Variants in ASCC3 observed in about 807,000 individuals in gnomAD.
ASCC3 encodes the protein ASC-1 complex subunit P200.
In ASCC3, 158 loss-of-function variants were observed where a neutral mutation model predicts 256.3. That is an observed-to-expected ratio of 0.62 (90% CI 0.54 to 0.70). ASCC3 has a LOEUF of 0.70. Ranked by LOEUF, ASCC3 falls within the 30% of genes least tolerant of loss-of-function variation. ASCC3 has a pLI of 0.00. For synonymous variants in ASCC3, 948 were observed against 883.4 expected, an observed-to-expected ratio of 1.07 and a Z score of -1.30; for missense variants, 2,259 against 2,626.0, an observed-to-expected ratio of 0.86 and a Z score of 3.05.
chr6:100,713,989 G>A (rs1778980175), intron 13 of ASCC3, among the ~76,000 whole-genome samples: 1 of 152,210 alleles, frequency 6.6e-6, no homozygotes, highest in Admixed American at 6.5e-5. Context: ...TCTCTAGACA[G>A]CATTTTGGGA....
At position 100,586,063 on chromosome 6, in the gene ASCC3, G is replaced by A. The variant is rs190470742; in HGVS notation, c.5550+3571C>T. On this transcript the variant is annotated intron_variant, in intron 36 of 41. Transcript: ENST00000369162. Reference sequence around the variant, plus strand: ...ACCCACTTGAGGAGGCAGTCTGCCCGTTCTCAGATCTCCAGCTGCGTGCTG... The same window carrying A: ...ACCCACTTGAGGAGGCAGTCTGCCCATTCTCAGATCTCCAGCTGCGTGCTG... 5.3e-3 allele frequency among the ~76,000 whole-genome samples: 801 copies of A among 152,272 alleles called. 7 individuals carry two copies. The highest frequency in any genetic ancestry group is 0.018 in the African/African-American group (763 of 41,576).
rs1582637738 is a variant in ASCC3 at position 100,652,788 on chromosome 6, A to G, written c.2925T>C (p.Tyr975=). 3 of 1,613,950 alleles carry G rather than the reference A, an allele frequency of 1.9e-6. No homozygotes were observed. The East Asian group carries it at 6.7e-5, about 36-fold the overall frequency. ...QMIRFEERTG[Y]FSSTDLGRTA... is the part of the protein sequence containing the mutation. ...TTCTACCCAAATCAGTTGAGGAAAA[A>G]TATCCAGTTCGCTCCTCAAAACGAA... The change falls in exon 18 of 42, where the codon TAT becomes TAC. Residue 975 remains tyrosine (Y), a synonymous_variant. Transcript: ENST00000369162.
At chr6:100,819,468 G>A (rs9688463) in intron 4 of ASCC3, among the ~76,000 whole-genome samples, 1 of 152,254 alleles carries the variant, frequency 6.6e-6, no homozygotes, top group African/African-American at 2.4e-5. Flanking sequence ...ACAAAAGGCC[G>A]TCTGCAAGCT....
intron 39 of ASCC3, 113 bp from the exon 40 acceptor site, chr6:100,513,031 T>A (rs1773850955): frequency 1.1e-6 from 1 of 929,966 alleles, no homozygotes; most frequent in Non-Finnish European, 1.6e-6. Context: ...TTGAGATTAA[T>A]TCTAGATCCA....
At chr6:100,631,465 A>G (rs1774541767) in intron 25 of ASCC3, among the ~76,000 whole-genome samples, 1 of 152,016 alleles carries the variant, frequency 6.6e-6, no homozygotes, top group Middle Eastern at 3.2e-3. Flanking sequence ...AGATGAATTT[A>G]AATTACTTTT....
At chr6:100,869,814 C>G (rs1012713115) in intron 1 of ASCC3, among the ~76,000 whole-genome samples, 2 of 152,246 alleles carry the variant, frequency 1.3e-5, no homozygotes, top group Admixed American at 6.5e-5. Flanking sequence ...AGGATAAGAT[C>G]TTCCTGCAAA....
rs369113355 is a variant in ASCC3, at chr6:100,646,600, G to A, written c.3633+15C>T. 1.3e-5 allele frequency: 21 copies of A among 1,613,754 alleles called. No individual in the cohort carries two copies. The highest frequency in any genetic ancestry group is 3.3e-5 in the South Asian group (3 of 91,082). On this transcript the variant is annotated intron_variant, in intron 22 of 41. Transcript: ENST00000369162. ...ATTTTTGTTTAACACAGATATAGCC[G>A]TTTTCCACTTCTACCTGATCATTCC...
At chr6:100,852,326 T>G (rs181273068) in intron 3 of ASCC3, among the ~76,000 whole-genome samples, 103 of 152,138 alleles carry the variant, frequency 6.8e-4, no homozygotes, top group African/African-American at 2.2e-3. Context: ...CACCACCCAA[T>G]TGGCCACATC....
chr6:100,742,383 G>A (rs1780477250), intron 10 of ASCC3, among the ~76,000 whole-genome samples: 1 of 152,174 alleles, frequency 6.6e-6, no homozygotes, highest in East Asian at 1.9e-4. Flanking sequence ...CATTCTGGCT[G>A]CTTTTTGGTT....
At chr6:100,846,591 C>T (rs1441821007) in intron 4 of ASCC3, among the ~76,000 whole-genome samples, 1 of 152,196 alleles carries the variant, frequency 6.6e-6, no homozygotes, top group Non-Finnish European at 1.5e-5. Context: ...TACCTATCTG[C>T]ATACCCTTGT....
intron 22 of ASCC3, 43 bp from the exon 23 acceptor site, chr6:100,644,172 C>G: frequency 7.8e-7 from 1 of 1,283,340 alleles, no homozygotes; most frequent in Non-Finnish European, 1.1e-6. Context: ...TATCATAACT[C>G]AAATAAGGGA....
chr6:100,792,419 T>C (rs1264168538), intron 8 of ASCC3, among the ~76,000 whole-genome samples: 1 of 151,900 alleles, frequency 6.6e-6, no homozygotes, highest in Non-Finnish European at 1.5e-5. Context: ...TCTCCACATA[T>C]GGCCTACATG....
At chr6:100,524,797 T>A (rs533093104) in intron 37 of ASCC3, among the ~76,000 whole-genome samples, 1 of 152,218 alleles carries the variant, frequency 6.6e-6, no homozygotes, top group South Asian at 2.1e-4. Context: ...CCTCCCTTTA[T>A]CCTTCCTCCT....
intron 30 of ASCC3, among the ~76,000 whole-genome samples, chr6:100,607,319 G>T (rs536815520): frequency 6.6e-6 from 1 of 151,734 alleles, no homozygotes; most frequent in East Asian, 1.9e-4. Context: ...TTATTTTTAT[G>T]CATCAAGAAA....
chr6:100,673,593 A>G (rs943135081), intron 14 of ASCC3, among the ~76,000 whole-genome samples: 3 of 152,226 alleles, frequency 2.0e-5, no homozygotes, highest in Non-Finnish European at 4.4e-5. Context: ...TAAAATTTCA[A>G]TGCTATTTAC....
chr6:100,579,363 A>G (rs1771067773), intron 36 of ASCC3, among the ~76,000 whole-genome samples: 1 of 151,898 alleles, frequency 6.6e-6, no homozygotes, highest in South Asian at 2.1e-4. Context: ...CTCATTTGTC[A>G]ACTTTTGTTT....
intron 3 of ASCC3, chr6:100,859,106 T>C (rs775247457): frequency 1.3e-6 from 1 of 779,850 alleles, no homozygotes; most frequent in Non-Finnish European, 2.4e-6. Flanking sequence ...TAGTCATTTT[T>C]GTCATCTTAG....
At chr6:100,637,282 G>A (rs1343823848) in intron 25 of ASCC3, among the ~76,000 whole-genome samples, 1 of 152,096 alleles carries the variant, frequency 6.6e-6, no homozygotes, top group Non-Finnish European at 1.5e-5. Flanking sequence ...GAACAACAAA[G>A]CCTGGATGAC....
intron 24 of ASCC3, among the ~76,000 whole-genome samples, chr6:100,642,103 T>G (rs1775151924): frequency 6.6e-6 from 1 of 151,572 alleles, no homozygotes; most frequent in East Asian, 1.9e-4. Flanking sequence ...ACATGGCACA[T>G]GTACACATAT....
Sources: allele counts gnomAD v4.1 joint callset (sites outside exome capture counted in the v4.1 genomes callset), GRCh38; gene constraint gnomAD v4.1.1; transcripts MANE v1.5; gene names NCBI Gene and HGNC (gene_info 2026-07-23, HGNC 2026-07-21).